Variants in SPIRE1 observed in about 807,000 individuals in gnomAD.
The protein encoded by SPIRE1 is protein spire homolog 1.
Under a neutral mutation model 94.1 loss-of-function variants are expected in SPIRE1, and 40 were observed. The ratio of observed to expected loss-of-function variants is 0.43; its 90% CI spans 0.33 to 0.55. The LOEUF (loss-of-function observed/expected upper bound fraction) is 0.55. Ranked by LOEUF, SPIRE1 falls within the 20% of genes least tolerant of loss-of-function variation. The probability of loss-of-function intolerance (pLI) is 0.06; values close to 1 mark genes in which losing one functional copy is unlikely to be tolerated. For missense variants in SPIRE1, 838 were observed against 975.2 expected, an observed-to-expected ratio of 0.86 and a Z score of 1.87; for synonymous variants, 376 against 371.7, an observed-to-expected ratio of 1.01 and a Z score of -0.13.
intron 2 of SPIRE1, among the ~76,000 whole-genome samples, chr18:12,630,389 G>A (rs974185460): frequency 1.3e-5 from 2 of 152,208 alleles, no homozygotes; most frequent in African/African-American, 2.4e-5. Flanking sequence ...GGCAGGCACA[G>A]TGGCTCGTGC....
rs150234249 is a variant in SPIRE1, at chr18:12,449,881, A to C, written c.2028T>G (p.Ser676=). Residue 676 remains serine (S), a synonymous_variant, in exon 17 of 17, where the codon TCT becomes TCG. Coordinates refer to ENST00000409402, the MANE Select transcript of SPIRE1 (RefSeq NM_001128626.2). ...LRSIARFSSK[S]KSMDKSDEEL... ...CTTCATCTGATTTGTCCATAGACTT[A>C]GATTTTGAGGAGAACCTGGGGTGAA... is the stretch of plus-strand genomic sequence containing the variant. The C allele has an allele frequency of 3.7e-6, 6 of 1,613,984 alleles. No individual in the cohort carries two copies. In the African/African-American group the frequency reaches 8.0e-5, roughly 22 times the overall value.
At chr18:12,531,327 C>A (rs907469526) in intron 4 of SPIRE1, among the ~76,000 whole-genome samples, 1 of 152,202 alleles carries the variant, frequency 6.6e-6, no homozygotes, top group Non-Finnish European at 1.5e-5. Context: ...TCTCTTCTCT[C>A]CAAAGCCAAA....
chr18:12,452,699 C>T (rs774827444), intron 14 of SPIRE1, 187 bp from the exon 15 acceptor site: 57 of 652,696 alleles, frequency 8.7e-5, no homozygotes, highest in Non-Finnish European at 1.4e-4. Context: ...TTAACTCTTA[C>T]ACTGTCTCCT....
chr18:12,579,099 G>A (rs2036188023), intron 2 of SPIRE1, among the ~76,000 whole-genome samples: 1 of 145,064 alleles, frequency 6.9e-6, no homozygotes, highest in Non-Finnish European at 1.5e-5. Context: ...AGAAGGGGAG[G>A]AAAAAAAACC....
intron 4 of SPIRE1, among the ~76,000 whole-genome samples, chr18:12,532,919 T>C (rs1484416699): frequency 6.6e-6 from 1 of 152,162 alleles, no homozygotes; most frequent in Non-Finnish European, 1.5e-5. Context: ...GGCTGATTAC[T>C]GGCAGGCAGC....
chr18:12,532,009 A>G (rs1475475377), intron 4 of SPIRE1, among the ~76,000 whole-genome samples: 2 of 152,160 alleles, frequency 1.3e-5, no homozygotes, highest in African/African-American at 4.8e-5. Flanking sequence ...CTCCAGCTAT[A>G]CTTAACTTAC....
intron 8 of SPIRE1, among the ~76,000 whole-genome samples, chr18:12,487,515 C>A (rs1280914080): frequency 6.6e-6 from 1 of 150,582 alleles, no homozygotes; most frequent in Non-Finnish European, 1.5e-5. Flanking sequence ...TTCAAGCAAT[C>A]TCCCGAGTAG....
chr18:12,621,897 G>A (rs1330177055), intron 2 of SPIRE1, among the ~76,000 whole-genome samples: 1 of 152,008 alleles, frequency 6.6e-6, no homozygotes, highest in Non-Finnish European at 1.5e-5. Context: ...ATTAGGAAAT[G>A]GTCATAAACC....
At chr18:12,575,802 G>C (rs1372686369) in intron 2 of SPIRE1, among the ~76,000 whole-genome samples, 1 of 152,228 alleles carries the variant, frequency 6.6e-6, no homozygotes, top group Non-Finnish European at 1.5e-5. Context: ...TTTATGGATT[G>C]AAAGACTAAT....
At chr18:12,580,065 C>T (rs753543421) in intron 2 of SPIRE1, among the ~76,000 whole-genome samples, 4 of 152,110 alleles carry the variant, frequency 2.6e-5, no homozygotes, top group Non-Finnish European at 5.9e-5. Flanking sequence ...TTGGTGAAAA[C>T]ATGATAAGAG....
At chr18:12,630,008 C>G (rs1248986343) in intron 2 of SPIRE1, among the ~76,000 whole-genome samples, 1 of 151,914 alleles carries the variant, frequency 6.6e-6, no homozygotes, top group African/African-American at 2.4e-5. Context: ...AATCAAATAC[C>G]TATATGTGAT....
chr18:12,464,370 A>C (rs1385464061), intron 11 of SPIRE1, among the ~76,000 whole-genome samples: 1 of 152,196 alleles, frequency 6.6e-6, no homozygotes, highest in African/African-American at 2.4e-5. Flanking sequence ...TTAATACTTC[A>C]TAATGTTCTT....
intron 16 of SPIRE1, 88 bp downstream of exon 16, chr18:12,452,167 G>T: frequency 6.6e-7 from 1 of 1,521,678 alleles, no homozygotes; most frequent in Non-Finnish European, 8.9e-7. Context: ...AACCCCTCGA[G>T]CCAAAACCCT....
intron 9 of SPIRE1, among the ~76,000 whole-genome samples, chr18:12,483,175 A>G (rs2032906365): frequency 6.6e-6 from 1 of 151,988 alleles, no homozygotes; most frequent in African/African-American, 2.4e-5. Flanking sequence ...GGCTGGTCTT[A>G]TTTTAAACTC....
intron 2 of SPIRE1, among the ~76,000 whole-genome samples, chr18:12,611,061 T>C (rs1378922426): frequency 6.6e-6 from 1 of 152,170 alleles, no homozygotes. Context: ...CCATTCTGCA[T>C]CAATAATTTT....
intron 12 of SPIRE1, among the ~76,000 whole-genome samples, chr18:12,462,752 A>AT (rs2031917455): frequency 6.6e-6 from 1 of 152,074 alleles, no homozygotes; most frequent in South Asian, 2.1e-4. Context: ...TTTTTGGTCA[A>AT]TTTTTAACAA....
At chr18:12,508,709 T>G (rs1303894441) in intron 5 of SPIRE1, among the ~76,000 whole-genome samples, 1 of 151,932 alleles carries the variant, frequency 6.6e-6, no homozygotes, top group East Asian at 1.9e-4. Context: ...GTCTTGCTCT[T>G]GTCGCCCCAT....
rs2033845387 is a variant in SPIRE1, at chr18:12,506,629, C to T, written c.820G>A (p.Val274Ile). ...TTCCTCAAATCCCTCATCACCTGTA[C>T]CCAGAATCGTGCCTGAAAGAACCAA... The part of the protein sequence containing the change: ...LKNADWARFW[V>I]QVMRDLRNGV... The change falls in exon 6 of 17, where the codon GTA becomes ATA. Residue 274 changes from valine to isoleucine, a missense_variant. This residue lies in a region of SPIRE1 where 645 missense variants were observed against 804.7 expected (regional missense o/e 0.80). Transcript: ENST00000409402. 1 of 1,613,986 alleles carries T rather than the reference C, an allele frequency of 6.2e-7. No individual in the cohort carries two copies. The highest frequency in any genetic ancestry group is 8.5e-7 in the Non-Finnish European group (1 of 1,179,952).
chr18:12,481,277 C>A (rs943933090), intron 9 of SPIRE1, among the ~76,000 whole-genome samples: 4 of 148,868 alleles, frequency 2.7e-5, no homozygotes, highest in Non-Finnish European at 4.5e-5. Flanking sequence ...AAAAGAACAA[C>A]CCCCGCCCCC....
Sources: gnomAD v4.1 joint callset for allele counts (sites outside exome capture counted in the v4.1 genomes callset) on GRCh38, gnomAD v4.1.1 for gene constraint, gnomAD v4.1.1 regional missense constraint, MANE v1.5 for transcripts, NCBI Gene and HGNC (gene_info 2026-07-23, HGNC 2026-07-21) for gene names.